RANBP17: variants seen among roughly 807,000 people sequenced by gnomAD.
RANBP17 encodes ran-binding protein 17.
RANBP17 carries 158 observed loss-of-function variants against 141.2 expected under a neutral mutation model. The ratio of observed to expected loss-of-function variants is 1.12; its 90% CI spans 0.98 to 1.28. RANBP17 has a LOEUF of 1.28. Ranked by LOEUF, RANBP17 falls within the 50% of genes most tolerant of loss-of-function variation. RANBP17 has a pLI of 0.00. For synonymous variants in RANBP17, 430 were observed against 450.0 expected (o/e 0.96, Z 0.56); for missense variants, 1,438 against 1,290.7 (o/e 1.11, Z -1.75).
intron 14 of RANBP17, among the ~76,000 whole-genome samples, chr5:171,127,839 A>G (rs1400988564): frequency 6.6e-6 from 1 of 152,176 alleles, no homozygotes; most frequent in Non-Finnish European, 1.5e-5. Flanking sequence ...GTGATTCAGC[A>G]ATCTCATTAC....
In RANBP17 at chr5:170,971,255, A is replaced by C. The variant is rs1044679314; in HGVS notation, c.1710+2878A>C. Reference sequence around the variant, plus strand: ...AAGTGATGTATGTGATAGAAGTCCTATATGTGAGAAAGAATGTTGTAAATA... The same window carrying C: ...AAGTGATGTATGTGATAGAAGTCCTCTATGTGAGAAAGAATGTTGTAAATA... On this transcript the variant is annotated intron_variant, in intron 14 of 27. Transcript: ENST00000523189. Among the ~76,000 whole-genome samples, 5 of 152,236 alleles carry C rather than the reference A, an allele frequency of 3.3e-5. No homozygotes were observed. In the East Asian group the frequency reaches 9.6e-4, roughly 29 times the overall value.
chr5:170,943,805 G>C (rs145841592), intron 12 of RANBP17, among the ~76,000 whole-genome samples: 3 of 151,992 alleles, frequency 2.0e-5, no homozygotes, highest in African/African-American at 7.2e-5. Context: ...TGATAAATAC[G>C]TAGCGAAATG....
At chr5:171,038,961 T>A (rs1782065044) in intron 14 of RANBP17, among the ~76,000 whole-genome samples, 1 of 152,094 alleles carries the variant, frequency 6.6e-6, no homozygotes, top group African/African-American at 2.4e-5. Flanking sequence ...CCACATTTTC[T>A]TTATCCATTC....
At chr5:171,249,875 C>T (rs1369296523) in intron 24 of RANBP17, among the ~76,000 whole-genome samples, 1 of 152,132 alleles carries the variant, frequency 6.6e-6, no homozygotes, top group East Asian at 1.9e-4. Flanking sequence ...CCATTTATTA[C>T]AAGAAATGTA....
chr5:170,973,623 A>G (rs1290208154), intron 14 of RANBP17, among the ~76,000 whole-genome samples: 1 of 141,062 alleles, frequency 7.1e-6, no homozygotes, highest in Admixed American at 7.4e-5. Context: ...AAAATGGCCA[A>G]AATACATGAA....
intron 14 of RANBP17, chr5:170,983,309 C>A: frequency 4.0e-6 from 1 of 251,986 alleles, no homozygotes; most frequent in Non-Finnish European, 7.7e-6. Flanking sequence ...CTGTCTTGGA[C>A]CAGGTTGAGA....
chr5:171,201,103 A>G (rs1245712446), intron 19 of RANBP17, among the ~76,000 whole-genome samples: 2 of 152,240 alleles, frequency 1.3e-5, no homozygotes, highest in Non-Finnish European at 2.9e-5. Flanking sequence ...TGAAGATTTC[A>G]TTATATTCCA....
chr5:171,047,994 T>C (rs1384310794), intron 14 of RANBP17, among the ~76,000 whole-genome samples: 1 of 152,236 alleles, frequency 6.6e-6, no homozygotes, highest in East Asian at 1.9e-4. Context: ...GATAGAATTT[T>C]ATACAAGTCT....
chr5:171,094,995 G>A (rs910641272), intron 14 of RANBP17, among the ~76,000 whole-genome samples: 2 of 152,064 alleles, frequency 1.3e-5, no homozygotes, highest in African/African-American at 4.8e-5. Context: ...CTCTCTCTTG[G>A]TCCCTCTGTG....
intron 18 of RANBP17, among the ~76,000 whole-genome samples, chr5:171,199,218 A>G (rs886574415): frequency 7.2e-5 from 11 of 152,336 alleles, no homozygotes; most frequent in African/African-American, 2.4e-4. Flanking sequence ...TTAATTAAAA[A>G]GAACATAAAT....
At chr5:171,089,712 A>C (rs1237687574) in intron 14 of RANBP17, among the ~76,000 whole-genome samples, 1 of 151,992 alleles carries the variant, frequency 6.6e-6, no homozygotes, top group Non-Finnish European at 1.5e-5. Context: ...GGTGGGAGTG[A>C]CCCGATTTTC....
chr5:171,283,145 C>A (rs1361816353), intron 25 of RANBP17, among the ~76,000 whole-genome samples: 2 of 152,188 alleles, frequency 1.3e-5, no homozygotes, highest in African/African-American at 4.8e-5. Context: ...CTGCTTCCAG[C>A]CCTAGGCAGG....
At chr5:171,254,925 C>T (rs1765795107) in intron 24 of RANBP17, among the ~76,000 whole-genome samples, 1 of 152,152 alleles carries the variant, frequency 6.6e-6, no homozygotes, top group African/African-American at 2.4e-5. Flanking sequence ...CATTTATTAT[C>T]TGTATCTTTT....
At chr5:171,270,940 AG>A (rs1561817640) in intron 25 of RANBP17, among the ~76,000 whole-genome samples, 1 of 152,104 alleles carries the variant, frequency 6.6e-6, no homozygotes, top group Non-Finnish European at 1.5e-5. Flanking sequence ...TAGAGCAGTT[AG>A]GGTTGAATTC....
intron 1 of RANBP17, among the ~76,000 whole-genome samples, chr5:170,871,451 A>G (rs1314011339): frequency 1.3e-5 from 2 of 152,166 alleles, no homozygotes; most frequent in African/African-American, 4.8e-5. Context: ...GTTGATTGCA[A>G]AAATGTTCTC....
chr5:171,061,730 C>G (rs1161657699), intron 14 of RANBP17, among the ~76,000 whole-genome samples: 5 of 152,002 alleles, frequency 3.3e-5, no homozygotes, highest in Admixed American at 2.0e-4. Flanking sequence ...TTAACTTTCT[C>G]TCTCATTGAT....
intron 14 of RANBP17, among the ~76,000 whole-genome samples, chr5:171,043,939 G>A (rs868642518): frequency 2.0e-5 from 3 of 152,180 alleles, no homozygotes; most frequent in Middle Eastern, 3.4e-3. Flanking sequence ...AAATTGTTTT[G>A]CACTATAAGA....
intron 14 of RANBP17, among the ~76,000 whole-genome samples, chr5:171,117,032 T>C (rs1755682072): frequency 6.6e-6 from 1 of 152,218 alleles, no homozygotes; most frequent in Admixed American, 6.5e-5. Flanking sequence ...CCCTTGTGTA[T>C]GTGTACCACA....
In RANBP17 at chr5:171,046,549, A is replaced by G. The variant is rs902041158; in HGVS notation, c.1710+78172A>G. Among the ~76,000 whole-genome samples the G allele has an allele frequency of 3.3e-5, 5 of 152,248 alleles. No homozygotes were observed. In the East Asian group the frequency reaches 9.6e-4, roughly 29 times the overall value. ...GGCTGCATTGTAATTTTATGAATGT[A>G]CCATACTTGGTTTAAGCTGTCTCCA... On this transcript the variant is annotated intron_variant, in intron 14 of 27. Coordinates refer to ENST00000523189, the MANE Select transcript of RANBP17 (RefSeq NM_022897.5).
Sources: allele counts gnomAD v4.1 joint callset (sites outside exome capture counted in the v4.1 genomes callset), GRCh38; gene constraint gnomAD v4.1.1; transcripts MANE v1.5; gene names NCBI Gene and HGNC (gene_info 2026-07-23, HGNC 2026-07-21).